CSTF2: variants seen among roughly 807,000 people sequenced by gnomAD.
CSTF2 encodes CF-1 64 kDa subunit.
Under a neutral mutation model 45.4 loss-of-function variants are expected in CSTF2, and 8 were observed. That is an observed-to-expected ratio of 0.18 (90% CI 0.10 to 0.32). The LOEUF is 0.32. Among genes scored for constraint, CSTF2 ranks in the 10% least tolerant of loss-of-function variants. The probability of loss-of-function intolerance (pLI) is 1.00; values close to 1 mark genes in which losing one functional copy is unlikely to be tolerated. For missense variants in CSTF2, 253 were observed against 477.1 expected (o/e 0.53, Z 4.38); for synonymous variants, 155 against 158.9 (o/e 0.98, Z 0.18).
intron 6 of CSTF2, among the ~76,000 whole-genome samples, chrX:100,825,697 TGTGTTCC>T (rs1371103516): frequency 9.0e-6 from 1 of 111,484 alleles, no homozygotes; most frequent in Non-Finnish European, 1.9e-5. Context: ...TGTGTGTGGT[TGTGTTCC>T]GTTAAAAGTT....
At chrX:100,822,705 A>G (rs1014020930) in intron 3 of CSTF2, 3 of 345,207 alleles carry the variant, frequency 8.7e-6, no homozygotes, top group African/African-American at 7.9e-5. Context: ...CAAGCACTGT[A>G]GGGATGCATA....
chrX:100,828,847 GCACCTCAGTTTTA>G, intron 8 of CSTF2, among the ~76,000 whole-genome samples: 1 of 112,581 alleles, frequency 8.9e-6, no homozygotes, highest in East Asian at 2.8e-4. Context: ...TTAGGTGGCA[GCACCTCAGTTTTA>G]CAGGCAAAGA....
At chrX:100,822,840 TCAA>T (rs2084926168) in intron 3 of CSTF2, 1 of 35,334 alleles carries the variant, frequency 2.8e-5, no homozygotes, top group Non-Finnish European at 6.3e-5. Context: ...AGACTCTGTC[TCAA>T]AAAAAAAAAA....
In CSTF2 at chrX:100,833,291, T is replaced by C; in HGVS notation, c.1319T>C (p.Met440Thr). 8.3e-7 allele frequency: 1 copy of C among 1,208,561 alleles called. No homozygotes were observed. Among genetic ancestry groups the C allele is most frequent in the Non-Finnish European group, 1.1e-6 (1 of 894,249 alleles). Residue 440 changes from methionine (M) to threonine (T), a missense_variant, in exon 11 of 14, where the codon ATG becomes ACG. Met to Thr is a moderately conservative substitution (Grantham distance 81). This residue lies in a region of CSTF2 where 200 missense variants were observed against 294.0 expected (regional missense o/e 0.68). Coordinates refer to ENST00000372972, the MANE Select transcript of CSTF2 (RefSeq NM_001325.3). ...GCCCGTGCAATGGAGGCCCGTGCGATGGAAGCTCGTGCAATGGAGGCCCGA... is the reference window on the plus strand; with the variant it reads ...GCCCGTGCAATGGAGGCCCGTGCGACGGAAGCTCGTGCAATGGAGGCCCGA... ...LEARAMEARA[M>T]EARAMEARAM...
At chrX:100,822,563 G>A (rs1170625136) in intron 3 of CSTF2, 143 bp downstream of exon 3, 2 of 541,004 alleles carry the variant, frequency 3.7e-6, no homozygotes, top group African/African-American at 4.7e-5. Flanking sequence ...ATGTGCCTGA[G>A]TTAGGCAAGT....
intron 8 of CSTF2, among the ~76,000 whole-genome samples, chrX:100,830,427 A>T (rs1238264390): frequency 8.9e-6 from 1 of 112,275 alleles, no homozygotes; most frequent in Non-Finnish European, 1.9e-5. Context: ...CTGAAACTAC[A>T]TTTATGTTCT....
chrX:100,823,147 G>T, intron 3 of CSTF2, 145 bp from the exon 4 acceptor site: 1 of 624,399 alleles, frequency 1.6e-6, no homozygotes, highest in Non-Finnish European at 2.3e-6. Flanking sequence ...ACAGAAACAA[G>T]AGGCTTTCAC....
chrX:100,831,769 T>A, intron 9 of CSTF2, 113 bp downstream of exon 9: 1 of 776,271 alleles, frequency 1.3e-6, no homozygotes, highest in Non-Finnish European at 1.9e-6. Context: ...AAAAGGTAGA[T>A]CAATATTCAT....
chrX:100,828,777 G>C (rs745327442), intron 8 of CSTF2, among the ~76,000 whole-genome samples: 1 of 112,543 alleles, frequency 8.9e-6, no homozygotes, highest in South Asian at 3.7e-4. Flanking sequence ...TAAGAAAAGA[G>C]AAGGAACTGA....
Position 100,824,191 on chromosome X carries a change from G to C in CSTF2, c.636G>C (p.Gly212=), listed in dbSNP as rs764049755. The C allele has an allele frequency of 1.7e-6, 2 of 1,211,836 alleles. No individual in the cohort carries two copies. Among genetic ancestry groups the C allele is most frequent in the Non-Finnish European group, 2.2e-6 (2 of 895,471 alleles). Residue 212 remains glycine (G), a synonymous_variant, in exon 6 of 14, where the codon GGG becomes GGC. Transcript: ENST00000372972. Reference sequence around the variant, plus strand: ...ACCCTCAGCCAGTCCATGGTGCTGGGCCTGGCTCAGGATCCAATGTGTCAA... The same window carrying C: ...ACCCTCAGCCAGTCCATGGTGCTGGCCCTGGCTCAGGATCCAATGTGTCAA... ...AGNPQPVHGA[G]PGSGSNVSMN... is the part of the protein sequence containing the mutation.
Position 100,832,760 on chromosome X carries a change from G to T in CSTF2, c.1058G>T (p.Gly353Val). ...PRGYLGPPHQ[G>V]PPMHHVPGHE... Reference sequence around the variant, plus strand: ...GGTTACTTGGGACCACCTCATCAGGGTCCACCCATGCACCATGTCCCTGGC... The same window carrying T: ...GGTTACTTGGGACCACCTCATCAGGTTCCACCCATGCACCATGTCCCTGGC... Residue 353 changes from glycine to valine, a missense_variant, in exon 10 of 14, where the codon GGT (glycine) becomes GTT (valine). By Grantham distance (109) the Gly-to-Val change is moderately radical. Around this residue, in one of 3 missense-constraint regions of CSTF2, gnomAD observed 200 missense variants for 294.0 expected, o/e 0.68. Coordinates refer to ENST00000372972, the MANE Select transcript of CSTF2 (RefSeq NM_001325.3). 1 of 1,209,361 alleles carries T rather than the reference G, an allele frequency of 8.3e-7. No individual in the cohort carries two copies. The highest frequency in any genetic ancestry group is 1.1e-6 in the Non-Finnish European group (1 of 894,532).
intron 3 of CSTF2, among the ~76,000 whole-genome samples, chrX:100,823,042 G>A (rs1208044806): frequency 8.1e-5 from 9 of 111,350 alleles, no homozygotes; most frequent in Admixed American, 6.7e-4. Flanking sequence ...AAGTCAATGT[G>A]CCTAGTTCTC....
At chrX:100,830,925 G>A in intron 8 of CSTF2, 1 of 958,126 alleles carries the variant, frequency 1.0e-6, no homozygotes, top group Non-Finnish European at 1.4e-6. Flanking sequence ...GGGACGTTGA[G>A]AGGAAAAGAG....
chrX:100,820,674 G>T, intron 1 of CSTF2, 200 bp downstream of exon 1: 2 of 521,875 alleles, frequency 3.8e-6, no homozygotes, highest in Non-Finnish European at 7.0e-6. Context: ...CGCAATATCA[G>T]TGGGGAAGTT....
Position 100,841,116 on chromosome X carries a change from C to T in CSTF2, c.*406C>T, listed in dbSNP as rs1219941738. Among the ~76,000 whole-genome samples the T allele has an allele frequency of 8.9e-6, 1 of 112,324 alleles. No individual in the cohort carries two copies. The highest frequency in any genetic ancestry group is 1.9e-5 in the Non-Finnish European group (1 of 53,324). On this transcript the variant is annotated 3_prime_UTR_variant, in exon 14 of 14. Transcript: ENST00000372972. ...TTCTCAGAAGCAATGTTTTCTGGAA[C>T]TTGGTTTTTGTTTAGTTTGCTTCCA...
At chrX:100,832,094 A>G (rs1280334715) in intron 9 of CSTF2, among the ~76,000 whole-genome samples, 3 of 110,803 alleles carry the variant, frequency 2.7e-5, no homozygotes, top group African/African-American at 6.6e-5. Context: ...GCGGGCGCCT[A>G]TAATTACAGC....
intron 1 of CSTF2, among the ~76,000 whole-genome samples, chrX:100,821,286 A>T (rs1394302888): frequency 1.8e-5 from 2 of 112,272 alleles, no homozygotes; most frequent in Non-Finnish European, 3.8e-5. Flanking sequence ...ATTTGCACCA[A>T]AGTTAAGGAA....
intron 6 of CSTF2, among the ~76,000 whole-genome samples, chrX:100,825,146 A>C (rs1337238309): frequency 8.9e-6 from 1 of 112,367 alleles, no homozygotes; most frequent in Non-Finnish European, 1.9e-5. Flanking sequence ...GATTCATATA[A>C]AATTTTGAAA....
Position 100,838,273 on chromosome X carries a change from C to T in CSTF2, c.1646C>T (p.Ala549Val), listed in dbSNP as rs1180793443. Residue 549 changes from alanine to valine, a missense_variant, in exon 13 of 14, where the codon GCA becomes GTA. Transcript: ENST00000372972. ...ALIMQVLQLT[A>V]DQIAMLPPEQ... The stretch of plus-strand genomic sequence containing the variant: ...ATTATGCAGGTTCTACAACTGACTG[C>T]AGACCAGATTGCCATGTTGCCTCCT... 1 of 1,202,950 alleles carries T rather than the reference C, an allele frequency of 8.3e-7. No homozygotes were observed. The highest frequency in any genetic ancestry group is 1.1e-6 in the Non-Finnish European group (1 of 891,025).
Sources: gnomAD v4.1 joint callset for allele counts (sites outside exome capture counted in the v4.1 genomes callset) on GRCh38, gnomAD v4.1.1 for gene constraint, gnomAD v4.1.1 regional missense constraint, MANE v1.5 for transcripts, NCBI Gene and HGNC (gene_info 2026-07-23, HGNC 2026-07-21) for gene names.